Variants in PSEN1 observed in about 807,000 individuals in gnomAD.
PSEN1 encodes presenilin-1.
A neutral mutation model predicts 53.5 loss-of-function variants in PSEN1; 15 were observed. The observed-to-expected ratio is 0.28, with a 90% CI of 0.19 to 0.43. The LOEUF (loss-of-function observed/expected upper bound fraction) is 0.43, where lower values mean the gene tolerates loss of function less well. PSEN1 is among the 20% of genes least tolerant of loss of function. The pLI, the probability that PSEN1 is intolerant of heterozygous loss-of-function variation, is 1.00. For missense variants in PSEN1, 387 were observed against 571.2 expected, an observed-to-expected ratio of 0.68 and a Z score of 3.29; for synonymous variants, 208 against 209.8, an observed-to-expected ratio of 0.99 and a Z score of 0.08.
chr14:73,162,208 G>T (rs1897567633), intron 3 of PSEN1, among the ~76,000 whole-genome samples: 1 of 149,996 alleles, frequency 6.7e-6, no homozygotes, highest in Non-Finnish European at 1.5e-5. Flanking sequence ...AATAGAAAAA[G>T]GACATAAATG....
intron 8 of PSEN1, among the ~76,000 whole-genome samples, chr14:73,198,863 TCCCA>T (rs747830239): frequency 8.7e-4 from 132 of 152,152 alleles, no homozygotes; most frequent in Non-Finnish European, 1.7e-3. Context: ...AGCCTCGACC[TCCCA>T]GGCTCAGGTG....
chr14:73,167,284 G>C (rs1367704824), intron 3 of PSEN1, among the ~76,000 whole-genome samples: 3 of 152,302 alleles, frequency 2.0e-5, no homozygotes, highest in Middle Eastern at 6.8e-3. Flanking sequence ...TGATTTGAAA[G>C]TCTGAAATTC....
intron 7 of PSEN1, among the ~76,000 whole-genome samples, chr14:73,194,819 C>T (rs61986896): frequency 0.056 from 8,529 of 150,972 alleles, 328 homozygotes; most frequent in Non-Finnish European, 0.089. Flanking sequence ...TCACCTGCCT[C>T]GGCCTCCCAA....
At chr14:73,188,011 C>T (rs1323931147) in intron 6 of PSEN1, among the ~76,000 whole-genome samples, 2 of 151,864 alleles carry the variant, frequency 1.3e-5, no homozygotes, top group South Asian at 2.1e-4. Context: ...TCACTGCAAC[C>T]CCCACCTCCT....
chr14:73,153,688 C>T (rs925052035), intron 3 of PSEN1, among the ~76,000 whole-genome samples: 5 of 135,578 alleles, frequency 3.7e-5, no homozygotes, highest in African/African-American at 2.8e-5. Flanking sequence ...CCCATTAAGT[C>T]TTAAAGGATT....
At chr14:73,186,644 G>T (rs2140079711) in intron 5 of PSEN1, among the ~76,000 whole-genome samples, 1 of 152,256 alleles carries the variant, frequency 6.6e-6, no homozygotes, top group Middle Eastern at 3.4e-3. Context: ...TAGCGTGGTG[G>T]CGCGCACGCG....
At chr14:73,143,556 G>C (rs3025774) in intron 1 of PSEN1, among the ~76,000 whole-genome samples, 3,255 of 152,280 alleles carry the variant, frequency 0.021, 56 homozygotes, top group Non-Finnish European at 0.031. Context: ...AAAGAACTTT[G>C]AAGATAGTAT....
intron 6 of PSEN1, chr14:73,189,785 T>C: frequency 4.3e-6 from 1 of 234,376 alleles, no homozygotes; most frequent in Non-Finnish European, 8.8e-6. Context: ...CCAGCTGAGG[T>C]CCTGCCCCCA....
chr14:73,139,732 G>T (rs1048421887), intron 1 of PSEN1, among the ~76,000 whole-genome samples: 2 of 152,190 alleles, frequency 1.3e-5, no homozygotes, highest in Admixed American at 1.3e-4. Context: ...AGCTCCTTAA[G>T]TAAACAGAAG....
chr14:73,208,465 C>T (rs567207657), intron 9 of PSEN1, among the ~76,000 whole-genome samples: 1 of 151,754 alleles, frequency 6.6e-6, no homozygotes, highest in East Asian at 1.9e-4. Context: ...GCAGGCAGGT[C>T]ATCCTGATGT....
intron 10 of PSEN1, among the ~76,000 whole-genome samples, chr14:73,216,713 C>T (rs1899929918): frequency 6.6e-6 from 1 of 151,210 alleles, no homozygotes; most frequent in South Asian, 2.1e-4. Flanking sequence ...GAGCCGAGAT[C>T]ATGCTGCTGT....
chr14:73,197,901 C>A, intron 7 of PSEN1, 130 bp from the exon 8 acceptor site: 8 of 591,900 alleles, frequency 1.4e-5, no homozygotes, highest in East Asian at 3.1e-5. Context: ...CATATTCATT[C>A]AACGTCTTTT....
At chr14:73,207,899 A>C (rs1899518316) in intron 9 of PSEN1, among the ~76,000 whole-genome samples, 1 of 152,246 alleles carries the variant, frequency 6.6e-6, no homozygotes, top group Non-Finnish European at 1.5e-5. Context: ...AGCCTCAGGT[A>C]CTAGCTCCCT....
intron 5 of PSEN1, among the ~76,000 whole-genome samples, chr14:73,185,045 G>C (rs532735673): frequency 1.3e-5 from 2 of 151,538 alleles, no homozygotes; most frequent in Non-Finnish European, 2.9e-5. Flanking sequence ...TCCTAGATGT[G>C]ATGGCAGCCG....
intron 3 of PSEN1, among the ~76,000 whole-genome samples, chr14:73,165,893 T>C (rs1178276339): frequency 6.6e-6 from 1 of 151,326 alleles, no homozygotes; most frequent in African/African-American, 2.4e-5. Flanking sequence ...CTGTCTCTAC[T>C]AAAAATACAA....
intron 1 of PSEN1, among the ~76,000 whole-genome samples, chr14:73,139,769 A>AC (rs1896865370): frequency 6.6e-6 from 1 of 152,130 alleles, no homozygotes; most frequent in Non-Finnish European, 1.5e-5. Context: ...AGAATTCCCA[A>AC]CCCTCATCAA....
chr14:73,168,418 G>A (rs957249701), intron 3 of PSEN1: 1 of 151,980 alleles, frequency 6.6e-6, no homozygotes, highest in East Asian at 1.9e-4. Context: ...AGCAGCTGAC[G>A]TCAGGGATAT....
intron 3 of PSEN1, among the ~76,000 whole-genome samples, chr14:73,165,931 C>T (rs1177273080): frequency 1.3e-5 from 2 of 151,728 alleles, no homozygotes; most frequent in Non-Finnish European, 2.9e-5. Context: ...TGGTGGATGC[C>T]GATAATCCCA....
intron 6 of PSEN1, among the ~76,000 whole-genome samples, chr14:73,187,687 A>G (rs1349135001): frequency 6.6e-6 from 1 of 152,146 alleles, no homozygotes; most frequent in Non-Finnish European, 1.5e-5. Flanking sequence ...ACAAATAACA[A>G]TAGTACCAGG....
Sources: allele counts gnomAD v4.1 joint callset (sites outside exome capture counted in the v4.1 genomes callset), GRCh38; gene constraint gnomAD v4.1.1; transcripts MANE v1.5; gene names NCBI Gene and HGNC (gene_info 2026-07-23, HGNC 2026-07-21).